Variants in LINGO2 observed in about 807,000 individuals in gnomAD.
The protein encoded by LINGO2 is leucine rich repeat and Ig domain containing 2, also known as leucine-rich repeat and immunoglobulin-like domain-containing nogo receptor-interacting protein 2.
Under a neutral mutation model 30.6 loss-of-function variants are expected in LINGO2, and 14 were observed. The observed-to-expected ratio is 0.46, with a 90% CI of 0.30 to 0.72. The LOEUF is 0.72. Ranked by LOEUF, LINGO2 falls within the 30% of genes least tolerant of loss-of-function variation. The pLI is 0.07. For missense variants in LINGO2, 729 were observed against 751.7 expected (o/e 0.97, Z 0.35); for synonymous variants, 317 against 288.5 (o/e 1.10, Z -1.00).
intron 5 of LINGO2, among the ~76,000 whole-genome samples, chr9:27,992,832 A>G (rs1821465943): frequency 1.3e-5 from 2 of 152,074 alleles, no homozygotes; most frequent in Admixed American, 6.6e-5. Flanking sequence ...AGCGTCACTT[A>G]TAAAATGGAT....
intron 4 of LINGO2, among the ~76,000 whole-genome samples, chr9:28,233,398 A>G (rs1821443403): frequency 6.6e-6 from 1 of 152,098 alleles, no homozygotes; most frequent in African/African-American, 2.4e-5. Flanking sequence ...TGGCAAGATG[A>G]CCTTGCCATT....
At chr9:28,770,919 C>G in the LINGO2 span, among the ~76,000 whole-genome samples, 1 of 152,164 alleles carries the variant, frequency 6.6e-6, no homozygotes, top group Non-Finnish European at 1.5e-5. Context: ...TCTACGTATT[C>G]AAAATCATCC....
intron 3 of LINGO2, among the ~76,000 whole-genome samples, chr9:28,321,501 A>G (rs1825040466): frequency 6.6e-6 from 1 of 152,166 alleles, no homozygotes; most frequent in Admixed American, 6.5e-5. Flanking sequence ...CAGTGAATTG[A>G]TGTGCTGTAT....
chr9:28,247,546 C>A (rs1822047959), intron 4 of LINGO2, among the ~76,000 whole-genome samples: 1 of 152,050 alleles, frequency 6.6e-6, no homozygotes, highest in South Asian at 2.1e-4. Context: ...GGGAGTTGAA[C>A]AATGAGAACA....
At chr9:28,476,700 G>A (rs1825744879) in intron 1 of LINGO2, among the ~76,000 whole-genome samples, 1 of 152,178 alleles carries the variant, frequency 6.6e-6, no homozygotes, top group African/African-American at 2.4e-5. Context: ...GTAATGAAGA[G>A]AAAACAGACC....
At chr9:28,021,047 AT>A (rs908331752) in intron 4 of LINGO2, among the ~76,000 whole-genome samples, 2 of 150,812 alleles carry the variant, frequency 1.3e-5, no homozygotes, top group Admixed American at 6.6e-5. Flanking sequence ...TTTTTGCTCA[AT>A]TTTTTTTTAT....
At chr9:28,381,631 A>T (rs2134632607) in intron 2 of LINGO2, among the ~76,000 whole-genome samples, 1 of 152,230 alleles carries the variant, frequency 6.6e-6, no homozygotes, top group East Asian at 1.9e-4. Flanking sequence ...TCTATTTATA[A>T]AGTTGCTCCA....
At chr9:28,829,297 T>C in the LINGO2 span, among the ~76,000 whole-genome samples, 5 of 152,098 alleles carry the variant, frequency 3.3e-5, no homozygotes, top group Non-Finnish European at 5.9e-5. Flanking sequence ...GGCAATAAAA[T>C]CCTCCACATG....
At chr9:28,946,499 G>T in the LINGO2 span, among the ~76,000 whole-genome samples, 9 of 152,178 alleles carry the variant, frequency 5.9e-5, no homozygotes, top group Admixed American at 2.0e-4. Flanking sequence ...GTAAAGAATT[G>T]CCCAGATTCC....
At chr9:29,168,381 T>C in the LINGO2 span, among the ~76,000 whole-genome samples, 5 of 152,298 alleles carry the variant, frequency 3.3e-5, no homozygotes, top group African/African-American at 1.2e-4. Flanking sequence ...TGTGCTTAAG[T>C]AGCAACGCCC....
downstream of LINGO2, among the ~76,000 whole-genome samples, chr9:27,945,628 A>T (rs1356653483): frequency 6.6e-6 from 1 of 152,142 alleles, no homozygotes; most frequent in Non-Finnish European, 1.5e-5. Context: ...TATTTAAGTG[A>T]GTAGTTGGCC....
Position 28,049,231 on chromosome 9 carries a change from G to A in LINGO2, c.-86-36826C>T, listed in dbSNP as rs147975713. The stretch of plus-strand genomic sequence containing the variant: ...TCACCCAGCATGTGTTTACTGAGCC[G>A]ATATTCTGGCTGTCTTTTGTATATA... On this transcript the variant is annotated intron_variant, in intron 4 of 5. Transcript: ENST00000379992. Among the ~76,000 whole-genome samples, 289 of 150,798 alleles carry A rather than the reference G, an allele frequency of 1.9e-3. 8 individuals are homozygous for A. Among genetic ancestry groups the A allele is most frequent in the Middle Eastern group, 3.4e-3 (1 of 294 alleles).
chr9:28,863,763 CA>C, the LINGO2 span: 1 of 407,734 alleles, frequency 2.5e-6, no homozygotes, highest in Non-Finnish European at 5.6e-6. Flanking sequence ...CTTTGGCCAC[CA>C]AAAGTTGAGG....
the LINGO2 span, among the ~76,000 whole-genome samples, chr9:28,791,195 A>C: frequency 6.6e-6 from 1 of 152,212 alleles, no homozygotes; most frequent in South Asian, 2.1e-4. Context: ...AAGGTAACTA[A>C]AATTCCTATG....
chr9:28,969,417 CAT>C, the LINGO2 span, among the ~76,000 whole-genome samples: 1 of 152,116 alleles, frequency 6.6e-6, no homozygotes, highest in Non-Finnish European at 1.5e-5. Flanking sequence ...GGAAAATTAA[CAT>C]AAATAGAAAG....
chr9:28,852,480 A>T, the LINGO2 span, among the ~76,000 whole-genome samples: 1 of 152,026 alleles, frequency 6.6e-6, no homozygotes, highest in African/African-American at 2.4e-5. Context: ...AAGAGTGGTT[A>T]TTTATACATA....
intron 1 of LINGO2, among the ~76,000 whole-genome samples, chr9:28,653,474 G>T (rs1828198570): frequency 6.6e-6 from 1 of 152,104 alleles, no homozygotes; most frequent in Non-Finnish European, 1.5e-5. Flanking sequence ...TCCCTAGAGG[G>T]ATAGGAAAAT....
the LINGO2 span, among the ~76,000 whole-genome samples, chr9:28,690,947 A>G: frequency 6.6e-6 from 1 of 152,246 alleles, no homozygotes; most frequent in African/African-American, 2.4e-5. Flanking sequence ...TTCAGTATAT[A>G]GAACAGGTAA....
In LINGO2 at chr9:28,609,138, G is replaced by A. The variant is rs748701124; in HGVS notation, c.-365+61062C>T. On this transcript the variant is annotated intron_variant, in intron 1 of 5. Coordinates refer to ENST00000379992, the Ensembl canonical transcript of LINGO2. ...AAGACAATATTTGAAAATCCAGTAT[G>A]GATTAATGAGCTAAAGAGTTTTTTT... Among the ~76,000 whole-genome samples the A allele has an allele frequency of 2.2e-3, 317 of 147,400 alleles. 1 individual carries two copies. The highest frequency in any genetic ancestry group is 3.2e-3 in the Non-Finnish European group (218 of 67,252).
Sources: gnomAD v4.1 joint callset for allele counts (sites outside exome capture counted in the v4.1 genomes callset) on GRCh38, gnomAD v4.1.1 for gene constraint, MANE v1.5 for transcripts, NCBI Gene and HGNC (gene_info 2026-07-23, HGNC 2026-07-21) for gene names.